MYO16: variants seen among roughly 807,000 people sequenced by gnomAD.
MYO16 encodes myosin XVI.
In MYO16, 94 loss-of-function variants were observed where a neutral mutation model predicts 205.3. That is an observed-to-expected ratio of 0.46 (90% CI 0.39 to 0.54). The LOEUF is 0.54. Among genes scored for constraint, MYO16 ranks in the 20% least tolerant of loss-of-function variants. The probability of loss-of-function intolerance (pLI) is 0.00; values close to 1 mark genes in which losing one functional copy is unlikely to be tolerated. For missense variants in MYO16, 2,315 were observed against 2,387.5 expected, an observed-to-expected ratio of 0.97 and a Z score of 0.63; for synonymous variants, 988 against 954.0, an observed-to-expected ratio of 1.04 and a Z score of -0.66.
At chr13:108,906,263 C>A (rs78864937) in intron 15 of MYO16, among the ~76,000 whole-genome samples, 1 of 152,054 alleles carries the variant, frequency 6.6e-6, no homozygotes, top group Non-Finnish European at 1.5e-5. Context: ...AGAATACTTG[C>A]CTTTTGATGT....
Position 109,127,435 on chromosome 13 carries a change from G to A in MYO16, c.3936G>A (p.Pro1312=), listed in dbSNP as rs777642635. 28 of 1,613,836 alleles carry A rather than the reference G, an allele frequency of 1.7e-5. No individual in the cohort carries two copies. The highest frequency in any genetic ancestry group is 9.9e-5 in the South Asian group (9 of 91,062). Reference sequence around the variant, plus strand: ...GCATGGATGACAGCAGCAGCCTCCCGTCTCCACGGAAACAGCCCCCGCCCA... The same window carrying A: ...GCATGGATGACAGCAGCAGCCTCCCATCTCCACGGAAACAGCCCCCGCCCA... The part of the protein sequence containing the change: ...VFSMDDSSSL[P]SPRKQPPPKP... Residue 1312 remains proline (P), a synonymous_variant, in exon 31 of 35, where the codon CCG becomes CCA. Coordinates refer to ENST00000457511, the MANE Select transcript of MYO16 (RefSeq NM_001198950.3). This position sits in a 1 kb window ranked among gnomAD's most constrained non-coding sequence, Gnocchi z 4.2.
At chr13:108,624,442 A>G (rs759352399) in intron 1 of MYO16, among the ~76,000 whole-genome samples, 11 of 152,220 alleles carry the variant, frequency 7.2e-5, no homozygotes, top group Non-Finnish European at 1.6e-4. Context: ...CATATCACAC[A>G]TGTGCACATA....
At chr13:109,013,118 C>T (rs1451069192) in intron 22 of MYO16, among the ~76,000 whole-genome samples, 1 of 100,044 alleles carries the variant, frequency 1.0e-5, no homozygotes, top group Non-Finnish European at 2.2e-5. Context: ...TCCCCCACCC[C>T]CCCCCACCCC....
chr13:108,832,179 A>G lies in MYO16; in HGVS notation c.1097+8901A>G, dbSNP rs192028740. ...TTTTTTTGAGACAGAGTCTCGCTCT[A>G]TCGCCCAGGCTGGAGGGCAATGGCA... On this transcript the variant is annotated intron_variant, in intron 9 of 34. Transcript: ENST00000457511. Among the ~76,000 whole-genome samples the G allele has an allele frequency of 3.6e-3, 480 of 132,244 alleles. 4 individuals are homozygous for G. Among genetic ancestry groups the G allele is most frequent in the Non-Finnish European group, 5.6e-3 (357 of 63,752 alleles). The allele number at this position is 132,244 out of a possible 152,430, so 86.8% of individuals were successfully genotyped here.
rs796834231 is a variant in MYO16, at chr13:108,796,922, A to T, written c.741+3282A>T. Among the ~76,000 whole-genome samples, 13 of 129,574 alleles carry T rather than the reference A, an allele frequency of 1.0e-4. No homozygotes were observed. In the South Asian group the frequency reaches 1.0e-3, roughly 10 times the overall value. The allele number at this position is 129,574 out of a possible 152,430, so 85.0% of individuals were successfully genotyped here. A position where few individuals can be genotyped will look rare whatever the true frequency, so the allele number is the denominator to read the frequency against. On this transcript the variant is annotated intron_variant, in intron 6 of 34. Transcript: ENST00000457511. ...TACCCTAAAACTTAAAGTATAATTTAAAAAAATTAAAATTAAAATTAAAAT... is the reference window on the plus strand; with the variant it reads ...TACCCTAAAACTTAAAGTATAATTTTAAAAAATTAAAATTAAAATTAAAAT...
chr13:108,652,927 T>C (rs930858388), intron 1 of MYO16, among the ~76,000 whole-genome samples: 1 of 152,214 alleles, frequency 6.6e-6, no homozygotes, highest in African/African-American at 2.4e-5. Context: ...TGTCAGATCA[T>C]ATGATAGTTG....
intron 23 of MYO16, among the ~76,000 whole-genome samples, chr13:109,035,683 C>T (rs79049620): frequency 4.7e-4 from 72 of 152,096 alleles, no homozygotes; most frequent in Non-Finnish European, 9.1e-4. Flanking sequence ...GACTCTGCTT[C>T]AAAAAAATTA....
At chr13:108,931,159 A>G (rs926640739) in intron 16 of MYO16, among the ~76,000 whole-genome samples, 1 of 152,184 alleles carries the variant, frequency 6.6e-6, no homozygotes, top group Non-Finnish European at 1.5e-5. Flanking sequence ...TAGAATTCAT[A>G]TGATTCATAT....
intron 34 of MYO16, among the ~76,000 whole-genome samples, chr13:109,205,126 G>A (rs1476002155): frequency 6.6e-6 from 1 of 152,058 alleles, no homozygotes; most frequent in Non-Finnish European, 1.5e-5. Context: ...ATTGCTTTAG[G>A]GACTGAGTAA....
chr13:108,603,102 T>A (rs1878825332), intron 1 of MYO16, among the ~76,000 whole-genome samples: 1 of 152,192 alleles, frequency 6.6e-6, no homozygotes, highest in Non-Finnish European at 1.5e-5. Context: ...TTTTAAAAAA[T>A]ATATTCCAAA....
intron 27 of MYO16, chr13:109,065,526 GAA>G (rs78280400): frequency 1.1e-3 from 412 of 368,598 alleles, no homozygotes; most frequent in East Asian, 2.7e-3. Flanking sequence ...AGGCCATGCT[GAA>G]AAAAAAAAAA....
chr13:109,151,634 T>C (rs1877673209), intron 32 of MYO16, among the ~76,000 whole-genome samples: 1 of 152,238 alleles, frequency 6.6e-6, no homozygotes, highest in African/African-American at 2.4e-5. Context: ...ATCTCCATTT[T>C]TAAGCAGGAA....
chr13:109,020,791 G>T (rs145763789), intron 23 of MYO16, among the ~76,000 whole-genome samples: 1 of 152,068 alleles, frequency 6.6e-6, no homozygotes, highest in Non-Finnish European at 1.5e-5. Flanking sequence ...ATCTCTCACC[G>T]CTGTCTTACA....
intron 4 of MYO16, among the ~76,000 whole-genome samples, chr13:108,766,717 T>A (rs533219494): frequency 1.3e-5 from 2 of 152,364 alleles, no homozygotes; most frequent in Admixed American, 1.3e-4. Flanking sequence ...ATATTCATTT[T>A]CAGTCATTTT....
At chr13:109,133,292 C>G (rs905435640) in intron 31 of MYO16, among the ~76,000 whole-genome samples, 1 of 152,262 alleles carries the variant, frequency 6.6e-6, no homozygotes, top group Non-Finnish European at 1.5e-5. Flanking sequence ...CTAGCACAAC[C>G]ACACTAGAAG....
chr13:109,089,292 C>T (rs1888545420), intron 27 of MYO16, among the ~76,000 whole-genome samples: 1 of 151,994 alleles, frequency 6.6e-6, no homozygotes, highest in Non-Finnish European at 1.5e-5. Flanking sequence ...TGACTCACTG[C>T]AGCCTCCACC....
chr13:108,800,418 G>A (rs1886937000), intron 6 of MYO16, among the ~76,000 whole-genome samples: 1 of 152,140 alleles, frequency 6.6e-6, no homozygotes, highest in Non-Finnish European at 1.5e-5. Flanking sequence ...TTTAAAAATT[G>A]TTCAACACTT....
chr13:108,740,297 G>A (rs1052793699), intron 4 of MYO16, among the ~76,000 whole-genome samples: 6 of 152,238 alleles, frequency 3.9e-5, no homozygotes, highest in Non-Finnish European at 8.8e-5. Flanking sequence ...TGATGGTGAC[G>A]TACAGATGGG....
At chr13:108,809,239 A>C (rs569977402) in intron 7 of MYO16, among the ~76,000 whole-genome samples, 1 of 152,316 alleles carries the variant, frequency 6.6e-6, no homozygotes, top group Non-Finnish European at 1.5e-5. Context: ...TTTCTTCAAA[A>C]CCAGCTACAA....
Sources: allele counts gnomAD v4.1 joint callset (sites outside exome capture counted in the v4.1 genomes callset), GRCh38; gene constraint gnomAD v4.1.1; non-coding constraint Gnocchi (gnomAD v3.1); transcripts MANE v1.5; gene names NCBI Gene and HGNC (gene_info 2026-07-23, HGNC 2026-07-21).